The following RNF214 variants were observed in gnomAD, a reference collection of about 807,000 sequenced individuals.
RNF214 encodes the protein ring finger protein 214.
Under a neutral mutation model 75.9 loss-of-function variants are expected in RNF214, and 25 were observed. The observed-to-expected ratio is 0.33, with a 90% confidence interval of 0.24 to 0.46. The LOEUF (loss-of-function observed/expected upper bound fraction) is 0.46, where lower values mean the gene tolerates loss of function less well. Among genes scored for constraint, RNF214 ranks in the 20% least tolerant of loss-of-function variants. The pLI, the probability that RNF214 is intolerant of heterozygous loss-of-function variation, is 1.00. For missense variants in RNF214, 725 were observed against 857.5 expected, an observed-to-expected ratio of 0.85 and a Z score of 1.93; for synonymous variants, 314 against 308.8, an observed-to-expected ratio of 1.02 and a Z score of -0.18.
intron 13 of RNF214, 61 bp from the exon 14 acceptor site, chr11:117,283,054 A>T: frequency 1.6e-6 from 2 of 1,233,096 alleles, no homozygotes; most frequent in Non-Finnish European, 2.4e-6. Flanking sequence ...AATTATGGGC[A>T]TAAAAGGCAA....
chr11:117,237,969 ATAT>A (rs2032957058), intron 2 of RNF214, among the ~76,000 whole-genome samples: 2 of 152,260 alleles, frequency 1.3e-5, no homozygotes, highest in Admixed American at 6.5e-5. Flanking sequence ...TTTGATTATA[ATAT>A]TATGTATAAC....
At chr11:117,255,540 C>A (rs2033500276) in intron 6 of RNF214, among the ~76,000 whole-genome samples, 1 of 151,918 alleles carries the variant, frequency 6.6e-6, no homozygotes, top group African/African-American at 2.4e-5. Flanking sequence ...TTCGTAGAGA[C>A]AGGGTCTCAA....
In RNF214 at chr11:117,261,894, G is replaced by A. The variant is rs577808836; in HGVS notation, c.959+14946G>A. ...CTCCTGACCTCAAGCCGTCTGCCTG[G>A]CTCAGCCTCCCAAAGTGCTGGGATT... On this transcript the variant is annotated intron_variant, in intron 6 of 14. Transcript: ENST00000300650. Among the ~76,000 whole-genome samples, 4 of 151,646 alleles carry A rather than the reference G, an allele frequency of 2.6e-5. No individual in the cohort carries two copies. The East Asian group carries it at 8.0e-4, about 30-fold the overall frequency.
chr11:117,243,278 C>G (rs1591819638), intron 4 of RNF214, among the ~76,000 whole-genome samples: 1 of 152,198 alleles, frequency 6.6e-6, no homozygotes, highest in Non-Finnish European at 1.5e-5. Context: ...TCCCAAGTAG[C>G]TGGGATTACA....
chr11:117,274,902 T>G (rs2033984982), intron 6 of RNF214, among the ~76,000 whole-genome samples: 1 of 151,982 alleles, frequency 6.6e-6, no homozygotes. Flanking sequence ...GGTCTTGAAC[T>G]CCTGACCTCA....
intron 4 of RNF214, among the ~76,000 whole-genome samples, chr11:117,241,148 C>G (rs548252071): frequency 6.6e-6 from 1 of 152,192 alleles, no homozygotes; most frequent in Admixed American, 6.5e-5. Flanking sequence ...CCACTGCACT[C>G]CAGCCTGGGT....
At chr11:117,272,058 C>G (rs1250294475) in intron 6 of RNF214, among the ~76,000 whole-genome samples, 1 of 152,124 alleles carries the variant, frequency 6.6e-6, no homozygotes, top group African/African-American at 2.4e-5. Flanking sequence ...AAGTGATCCT[C>G]CTACTTTGGC....
intron 8 of RNF214, among the ~76,000 whole-genome samples, chr11:117,280,982 CTTTTTTTTTT>C (rs57955215): frequency 1.1e-5 from 1 of 88,018 alleles, no homozygotes; most frequent in Non-Finnish European, 2.0e-5. Context: ...AGGAATAGGG[CTTTTTTTTTT>C]TTTTTTTTTT....
Position 117,239,872 on chromosome 11 carries a change from A to C in RNF214, c.678+12A>C. 1 of 1,400,134 alleles carries C rather than the reference A, an allele frequency of 7.1e-7. No homozygotes were observed. The highest frequency in any genetic ancestry group is 1.0e-6 in the Non-Finnish European group (1 of 985,996). The allele number at this position is 1,400,134 out of a possible 1,614,324, so 86.7% of individuals were successfully genotyped here. Reference sequence around the variant, plus strand: ...TTGAAAAGAATTTGGTAAGTATTTAAACTGTCCTTGTTATATGAAGCCATT... The same window carrying C: ...TTGAAAAGAATTTGGTAAGTATTTACACTGTCCTTGTTATATGAAGCCATT... On this transcript the variant is annotated intron_variant, in intron 4 of 14. Coordinates refer to ENST00000300650, the MANE Select transcript of RNF214 (RefSeq NM_207343.4).
At chr11:117,253,887 ATCAAT>A (rs1015533120) in intron 6 of RNF214, among the ~76,000 whole-genome samples, 5 of 152,156 alleles carry the variant, frequency 3.3e-5, no homozygotes, top group African/African-American at 1.2e-4. Context: ...AACTTGCCTG[ATCAAT>A]TCATAGGATA....
intron 13 of RNF214, 99 bp downstream of exon 13, chr11:117,282,949 T>C: frequency 9.5e-7 from 1 of 1,055,996 alleles, no homozygotes; most frequent in Non-Finnish European, 1.5e-6. Flanking sequence ...ATCAGTTGGG[T>C]TATTTGCAGC....
intron 6 of RNF214, among the ~76,000 whole-genome samples, chr11:117,275,960 C>T (rs2034008324): frequency 6.6e-6 from 1 of 152,138 alleles, no homozygotes; most frequent in Admixed American, 6.5e-5. Flanking sequence ...ACCAGTATCC[C>T]TGATGAACAT....
chr11:117,252,731 A>G (rs576038296), intron 6 of RNF214, among the ~76,000 whole-genome samples: 39 of 151,924 alleles, frequency 2.6e-4, no homozygotes, highest in African/African-American at 9.2e-4. Context: ...TGTGTTAGCC[A>G]GGATGGTCTC....
At chr11:117,246,665 CTCA>C in intron 5 of RNF214, 141 bp from the exon 6 acceptor site, 1 of 796,138 alleles carries the variant, frequency 1.3e-6, no homozygotes, top group Non-Finnish European at 1.9e-6. Flanking sequence ...TTTGGAGCTA[CTCA>C]TCAACCACAT....
intron 14 of RNF214, 114 bp from the exon 15 acceptor site, chr11:117,284,972 A>G (rs1279568551): frequency 4.2e-6 from 3 of 718,176 alleles, no homozygotes; most frequent in Non-Finnish European, 7.3e-6. Context: ...CCCCTCTTGT[A>G]CCTCAGTGTA....
chr11:117,234,221 T>C, intron 1 of RNF214, 46 bp from the exon 2 acceptor site: 1 of 1,429,950 alleles, frequency 7.0e-7, no homozygotes, highest in Non-Finnish European at 9.9e-7. Flanking sequence ...ACATTTGTTT[T>C]AAACTTTGGA....
At chr11:117,280,114 A>C in intron 7 of RNF214, 57 bp from the exon 8 acceptor site, 1 of 1,502,180 alleles carries the variant, frequency 6.7e-7, no homozygotes, top group Non-Finnish European at 9.2e-7. Flanking sequence ...CACTACCTAG[A>C]GGTACCTTTG....
At chr11:117,255,200 G>A (rs2033489641) in intron 6 of RNF214, among the ~76,000 whole-genome samples, 1 of 152,108 alleles carries the variant, frequency 6.6e-6, no homozygotes, top group African/African-American at 2.4e-5. Context: ...TTATTTCTCA[G>A]AAACAAGGTG....
chr11:117,280,309 T>TTGTG (rs765352688), intron 8 of RNF214, 50 bp downstream of exon 8: 1 of 1,343,498 alleles, frequency 7.4e-7, no homozygotes, highest in East Asian at 2.3e-5. Flanking sequence ...GTTTGTTTGT[T>TTGTG]TGTTTGTTTA....
Sources: gnomAD v4.1 joint callset for allele counts (sites outside exome capture counted in the v4.1 genomes callset) on GRCh38, gnomAD v4.1.1 for gene constraint, MANE v1.5 for transcripts, NCBI Gene and HGNC (gene_info 2026-07-23, HGNC 2026-07-21) for gene names.